Variants in SYT16 observed in about 807,000 individuals in gnomAD.
The protein encoded by SYT16 is synaptotagmin 16, also known as synaptotagmin-16.
SYT16 carries 42 observed loss-of-function variants against 61.4 expected under a neutral mutation model. That is an observed-to-expected ratio of 0.68 (90% CI 0.53 to 0.89). The LOEUF (loss-of-function observed/expected upper bound fraction) is 0.89. Ranked by LOEUF, SYT16 falls within the 40% of genes least tolerant of loss-of-function variation. The pLI, the probability that SYT16 is intolerant of heterozygous loss-of-function variation, is 0.00. For synonymous variants in SYT16, 314 were observed against 302.3 expected, an observed-to-expected ratio of 1.04 and a Z score of -0.40; for missense variants, 804 against 807.3, an observed-to-expected ratio of 1.00 and a Z score of 0.05.
At chr14:62,016,757 T>A (rs2053701589) in intron 3 of SYT16, among the ~76,000 whole-genome samples, 1 of 152,032 alleles carries the variant, frequency 6.6e-6, no homozygotes, top group Admixed American at 6.6e-5. Flanking sequence ...ATAATGGGAT[T>A]CTTGTCAAAT....
intron 1 of SYT16, among the ~76,000 whole-genome samples, chr14:61,825,259 G>A (rs1490995527): frequency 1.3e-5 from 2 of 152,158 alleles, no homozygotes; most frequent in African/African-American, 4.8e-5. Context: ...CCATTTCACT[G>A]TGGCCCCCTC....
intron 1 of SYT16, among the ~76,000 whole-genome samples, chr14:61,930,476 A>G (rs921833965): frequency 6.6e-6 from 1 of 151,872 alleles, no homozygotes; most frequent in Admixed American, 6.6e-5. Context: ...CAACCTTAAC[A>G]TCTGTTGGAA....
chr14:62,074,135 T>G (rs2056397278), intron 4 of SYT16, among the ~76,000 whole-genome samples: 1 of 151,888 alleles, frequency 6.6e-6, no homozygotes, highest in Admixed American at 6.6e-5. Flanking sequence ...GGGAGGCAAA[T>G]AGTGGGGGCA....
chr14:62,021,184 G>A (rs191815108), intron 3 of SYT16, among the ~76,000 whole-genome samples: 6 of 152,066 alleles, frequency 3.9e-5, no homozygotes, highest in African/African-American at 4.8e-5. Flanking sequence ...TTGCTTTTAC[G>A]GTCACAATCA....
intron 3 of SYT16, among the ~76,000 whole-genome samples, chr14:62,022,134 T>C (rs1433110108): frequency 6.6e-6 from 1 of 152,110 alleles, no homozygotes; most frequent in Admixed American, 6.6e-5. Context: ...TACCTACACA[T>C]GTACTCAATC....
At chr14:62,067,319 T>C (rs140534329) in intron 3 of SYT16, among the ~76,000 whole-genome samples, 719 of 152,286 alleles carry the variant, frequency 4.7e-3, no homozygotes, top group Non-Finnish European at 7.4e-3. Context: ...AACTAAAGCT[T>C]AGTGCTATGA....
chr14:61,979,859 C>T (rs537003100), intron 2 of SYT16, among the ~76,000 whole-genome samples: 8 of 151,886 alleles, frequency 5.3e-5, no homozygotes, highest in African/African-American at 1.4e-4. Context: ...TCCAGCCTGG[C>T]GACAGAGCGA....
At chr14:61,899,426 G>T (rs192860351) in intron 1 of SYT16, among the ~76,000 whole-genome samples, 1 of 152,278 alleles carries the variant, frequency 6.6e-6, no homozygotes, top group East Asian at 1.9e-4. Context: ...CTAGGCATGG[G>T]ATACATAATG....
At chr14:62,096,787 G>A (rs536218328) in intron 7 of SYT16, among the ~76,000 whole-genome samples, 1 of 152,092 alleles carries the variant, frequency 6.6e-6, no homozygotes, top group African/African-American at 2.4e-5. Context: ...GAGACTAAAG[G>A]ATCTTCAGTT....
chr14:62,071,102 A>G (rs1160400786), intron 4 of SYT16, among the ~76,000 whole-genome samples: 1 of 152,184 alleles, frequency 6.6e-6, no homozygotes, highest in Non-Finnish European at 1.5e-5. Context: ...GCTCAAATTA[A>G]TAAGTAAAGG....
chr14:62,040,181 G>T (rs1056056938), intron 3 of SYT16, among the ~76,000 whole-genome samples: 3 of 152,138 alleles, frequency 2.0e-5, no homozygotes, highest in Non-Finnish European at 4.4e-5. Flanking sequence ...CCTGAGGCTG[G>T]TTATCATTGG....
At chr14:61,823,929 A>T (rs2045694720) in intron 1 of SYT16, among the ~76,000 whole-genome samples, 1 of 152,248 alleles carries the variant, frequency 6.6e-6, no homozygotes, top group South Asian at 2.1e-4. Context: ...GAAAGTACTG[A>T]TTTGATTCCA....
chr14:61,931,947 T>C (rs1478360146), intron 1 of SYT16, among the ~76,000 whole-genome samples: 1 of 152,240 alleles, frequency 6.6e-6, no homozygotes, highest in Non-Finnish European at 1.5e-5. Context: ...AGGAGAATTG[T>C]ACCAGTTTGC....
At chr14:62,084,111 A>G (rs1029094167) in intron 6 of SYT16, 85 bp from the exon 7 acceptor site, 20 of 1,496,412 alleles carry the variant, frequency 1.3e-5, no homozygotes, top group Non-Finnish European at 1.7e-5. Flanking sequence ...TTGGGTCACA[A>G]TTTCACCAAA....
intron 5 of SYT16, among the ~76,000 whole-genome samples, chr14:62,078,130 G>GCTCT (rs1368534893): frequency 4.6e-5 from 6 of 129,844 alleles, no homozygotes; most frequent in African/African-American, 1.3e-4. Flanking sequence ...TCTCTCTAGT[G>GCTCT]CTCTCTCGCT....
In SYT16 at chr14:62,110,567, C is replaced by T. The variant is rs563417528; in HGVS notation, c.*9860C>T. The T allele has an allele frequency of 6.6e-6, 1 of 152,056 alleles. No individual in the cohort carries two copies. The highest frequency in any genetic ancestry group is 1.5e-5 in the Non-Finnish European group (1 of 67,962). 9.4% of individuals were successfully genotyped at this position (152,056 alleles called of 1,614,324 possible). A position where few individuals can be genotyped will look rare whatever the true frequency, so the allele number is the denominator to read the frequency against. On this transcript the variant is annotated 3_prime_UTR_variant, in exon 8 of 8. Transcript: ENST00000683842. ...TTTTAGAGCTCTGCCAATCAGTGGG[C>T]CATATTCATAGAATGTCAGTAATCT...
At chr14:61,954,834 T>C (rs960879833) in intron 1 of SYT16, among the ~76,000 whole-genome samples, 4 of 152,260 alleles carry the variant, frequency 2.6e-5, no homozygotes, top group African/African-American at 9.6e-5. Flanking sequence ...TCATGACCTA[T>C]AATATTTAAA....
chr14:61,921,883 CA>C (rs969281250), intron 1 of SYT16, among the ~76,000 whole-genome samples: 4 of 152,194 alleles, frequency 2.6e-5, no homozygotes, highest in Admixed American at 1.3e-4. Flanking sequence ...CAGGACTTGG[CA>C]GCAGACAGAC....
chr14:62,020,926 G>C (rs1169732264), intron 3 of SYT16, among the ~76,000 whole-genome samples: 2 of 152,168 alleles, frequency 1.3e-5, no homozygotes, highest in Admixed American at 6.5e-5. Context: ...CTCATAAGTG[G>C]TGACATTTTA....
Sources: allele counts gnomAD v4.1 joint callset (sites outside exome capture counted in the v4.1 genomes callset), GRCh38; gene constraint gnomAD v4.1.1; transcripts MANE v1.5; gene names NCBI Gene and HGNC (gene_info 2026-07-23, HGNC 2026-07-21).